PRDM16: variants seen among roughly 807,000 people sequenced by gnomAD.
PRDM16 encodes the protein PR/SET domain 16, also known as histone-lysine N-methyltransferase PRDM16.
PRDM16 carries 23 observed loss-of-function variants against 110.6 expected under a neutral mutation model. That is an observed-to-expected ratio of 0.21 (90% CI 0.15 to 0.29). PRDM16 has a LOEUF of 0.29. Among genes scored for constraint, PRDM16 ranks in the 10% least tolerant of loss-of-function variants. The pLI is 1.00. For synonymous variants in PRDM16, 799 were observed against 781.8 expected (o/e 1.02, Z -0.37); for missense variants, 1,615 against 1,794.3 (o/e 0.90, Z 1.81).
intron 2 of PRDM16, among the ~76,000 whole-genome samples, chr1:3,194,737 C>T (rs958068859): frequency 2.0e-5 from 3 of 152,088 alleles, no homozygotes; most frequent in South Asian, 2.1e-4. Context: ...CACACGCCAC[C>T]GTCTGATCGC....
intron 2 of PRDM16, among the ~76,000 whole-genome samples, chr1:3,205,412 A>C (rs1362158693): frequency 1.3e-5 from 2 of 152,192 alleles, no homozygotes; most frequent in Non-Finnish European, 2.9e-5. Context: ...ATAGGAAAGA[A>C]ATGTATCCTA....
At position 3,148,656 on chromosome 1, in the gene PRDM16, C is replaced by T. The variant is rs892346506; in HGVS notation, c.38-37469C>T. 1.3e-5 allele frequency among the ~76,000 whole-genome samples: 2 copies of T among 152,248 alleles called. No individual in the cohort carries two copies. Among genetic ancestry groups the T allele is most frequent in the African/African-American group, 2.4e-5 (1 of 41,548 alleles). The stretch of plus-strand genomic sequence containing the variant: ...CAGGTGGGCGGTGACTTGTCCTGGC[C>T]GAGCCAGCCCAGTCCTTCTGGAAGT... On this transcript the variant is annotated intron_variant, in intron 1 of 16. Transcript: ENST00000270722. The surrounding 1 kb of genome is among the most constrained non-coding windows in gnomAD (Gnocchi z 5.0).
chr1:3,094,134 A>G (rs1642337717), intron 1 of PRDM16, among the ~76,000 whole-genome samples: 1 of 152,174 alleles, frequency 6.6e-6, no homozygotes, highest in South Asian at 2.1e-4. Flanking sequence ...TGTGCAGGGC[A>G]AGAGGCGGGC....
chr1:3,137,555 CG>C (rs1326130666), intron 1 of PRDM16, among the ~76,000 whole-genome samples: 2 of 152,174 alleles, frequency 1.3e-5, no homozygotes, highest in African/African-American at 2.4e-5. Flanking sequence ...GGCAAGGTCC[CG>C]AAGAACCGTC....
chr1:3,403,540 C>G (rs1409828616), intron 6 of PRDM16, among the ~76,000 whole-genome samples: 1 of 152,232 alleles, frequency 6.6e-6, no homozygotes, highest in Non-Finnish European at 1.5e-5. Flanking sequence ...AGCCCTGCTC[C>G]CCACCAGGTG....
intron 1 of PRDM16, among the ~76,000 whole-genome samples, chr1:3,155,276 T>G (rs1415704701): frequency 6.6e-6 from 1 of 152,202 alleles, no homozygotes. Context: ...GGCTCCTTTC[T>G]TGGAGGGTTT....
intron 3 of PRDM16, among the ~76,000 whole-genome samples, chr1:3,287,320 C>CT (rs1314110335): frequency 7.2e-4 from 88 of 123,020 alleles, no homozygotes; most frequent in African/African-American, 2.0e-3. Context: ...GGAGCCGCCC[C>CT]GCCACGCGGG....
chr1:3,179,755 C>A (rs1447406085), intron 1 of PRDM16, among the ~76,000 whole-genome samples: 6 of 152,228 alleles, frequency 3.9e-5, no homozygotes, highest in African/African-American at 9.6e-5. Flanking sequence ...CAGGCACTAG[C>A]CTCCTTGGAG....
chr1:3,187,133 G>A (rs942515820), intron 2 of PRDM16, among the ~76,000 whole-genome samples: 31 of 152,352 alleles, frequency 2.0e-4, no homozygotes, highest in Admixed American at 7.2e-4. Context: ...GGAAGCACCC[G>A]GAGTGTCCTG....
rs751645429 is a variant in PRDM16, at chr1:3,435,722, G to A, written c.*1911G>A. 11 of 232,564 alleles carry A rather than the reference G, an allele frequency of 4.7e-5. No individual in the cohort carries two copies. The highest frequency in any genetic ancestry group is 1.8e-4 in the South Asian group (1 of 5,516). 14.4% of individuals were successfully genotyped at this position (232,564 alleles called of 1,614,324 possible). On this transcript the variant is annotated 3_prime_UTR_variant, in exon 17 of 17. Coordinates refer to ENST00000270722, the MANE Select transcript of PRDM16 (RefSeq NM_022114.4). ...GACATCTCCTCAGGCTGTCCCCAGC[G>A]GTGACGGGAGGTGTCCTGGCTGCTC...
intron 1 of PRDM16, among the ~76,000 whole-genome samples, chr1:3,144,314 G>A (rs1643605268): frequency 6.6e-6 from 1 of 152,230 alleles, no homozygotes; most frequent in Non-Finnish European, 1.5e-5. Context: ...CCCTCGGGTT[G>A]GATGCAGACA....
chr1:3,414,466 A>G (rs1403445224), intron 9 of PRDM16, 94 bp from the exon 10 acceptor site: 10 of 872,916 alleles, frequency 1.1e-5, no homozygotes, highest in African/African-American at 3.3e-5. Flanking sequence ...CTGGCCAGGT[A>G]TATGGTCAGG....
intron 3 of PRDM16, among the ~76,000 whole-genome samples, chr1:3,285,063 G>A (rs1640815376): frequency 6.6e-6 from 1 of 152,192 alleles, no homozygotes; most frequent in South Asian, 2.1e-4. Context: ...CGGGGTGCAA[G>A]GGAGGCAGGC....
intron 1 of PRDM16, among the ~76,000 whole-genome samples, chr1:3,072,729 G>A (rs911405630): frequency 2.0e-5 from 3 of 152,218 alleles, no homozygotes; most frequent in East Asian, 1.9e-4. Flanking sequence ...TCTGAAGGCC[G>A]GTTAGGGCAG....
At chr1:3,402,261 G>A (rs1446335779) in intron 5 of PRDM16, among the ~76,000 whole-genome samples, 2 of 101,906 alleles carry the variant, frequency 2.0e-5, no homozygotes, top group African/African-American at 5.7e-5. Flanking sequence ...GCAGGGACGG[G>A]CCCAGAGCCC....
chr1:3,416,733 G>T (rs1019137120), intron 10 of PRDM16, among the ~76,000 whole-genome samples: 1 of 152,342 alleles, frequency 6.6e-6, no homozygotes, highest in South Asian at 2.1e-4. Context: ...GGGCCCTGTG[G>T]GTCAGGCATT....
At chr1:3,354,665 A>G (rs1426415234) in intron 3 of PRDM16, among the ~76,000 whole-genome samples, 2 of 152,082 alleles carry the variant, frequency 1.3e-5, no homozygotes, top group Non-Finnish European at 2.9e-5. Context: ...GGGTGTCTGC[A>G]GAGCGTTCCA....
At chr1:3,373,014 T>C (rs1314993100) in intron 3 of PRDM16, among the ~76,000 whole-genome samples, 5 of 152,178 alleles carry the variant, frequency 3.3e-5, no homozygotes, top group Admixed American at 3.3e-4. Flanking sequence ...TGCCCAGATG[T>C]TGTTATATCA....
intron 1 of PRDM16, among the ~76,000 whole-genome samples, chr1:3,091,694 C>T (rs1379444470): frequency 6.6e-6 from 1 of 152,204 alleles, no homozygotes; most frequent in Non-Finnish European, 1.5e-5. Flanking sequence ...GTGCTCCTTC[C>T]ATGATCACCC....
Sources: allele counts gnomAD v4.1 joint callset (sites outside exome capture counted in the v4.1 genomes callset), GRCh38; gene constraint gnomAD v4.1.1; non-coding constraint Gnocchi (gnomAD v3.1); transcripts MANE v1.5; gene names NCBI Gene and HGNC (gene_info 2026-07-23, HGNC 2026-07-21).